Variants in PTPRZ1 observed in about 807,000 individuals in gnomAD.
PTPRZ1 encodes the protein protein tyrosine phosphatase receptor type Z1.
Under a neutral mutation model 214.1 loss-of-function variants are expected in PTPRZ1, and 82 were observed. The ratio of observed to expected loss-of-function variants is 0.38; its 90% CI spans 0.32 to 0.46. The LOEUF (loss-of-function observed/expected upper bound fraction) is 0.46. Ranked by LOEUF, PTPRZ1 falls within the 20% of genes least tolerant of loss-of-function variation. PTPRZ1 has a pLI of 1.00. For missense variants in PTPRZ1, 2,603 were observed against 2,748.7 expected (o/e 0.95, Z 1.19); for synonymous variants, 945 against 987.9 (o/e 0.96, Z 0.81).
chr7:121,922,833 C>G (rs1795640029), intron 1 of PTPRZ1, among the ~76,000 whole-genome samples: 1 of 152,202 alleles, frequency 6.6e-6, no homozygotes, highest in Admixed American at 6.5e-5. Flanking sequence ...TATTTCTTCA[C>G]AAGCACACAT....
At chr7:121,918,605 A>G (rs932391712) in intron 1 of PTPRZ1, among the ~76,000 whole-genome samples, 1 of 152,154 alleles carries the variant, frequency 6.6e-6, no homozygotes, top group Non-Finnish European at 1.5e-5. Context: ...ACATATTTAC[A>G]ATCTATCTTT....
At chr7:121,905,321 C>G (rs1050254134) in intron 1 of PTPRZ1, among the ~76,000 whole-genome samples, 14 of 152,022 alleles carry the variant, frequency 9.2e-5, no homozygotes. Context: ...AACTTTTACC[C>G]CAGCATCCCT....
rs181875053 is a variant in PTPRZ1, at chr7:121,993,304, C to T, written c.929-3078C>T. Among the ~76,000 whole-genome samples the T allele has an allele frequency of 1.4e-4, 22 of 151,856 alleles. No individual in the cohort carries two copies. In the East Asian group the frequency reaches 4.1e-3, roughly 28 times the overall value. On this transcript the variant is annotated intron_variant, in intron 8 of 29. Transcript: ENST00000393386. The stretch of plus-strand genomic sequence containing the variant: ...CGGTGACTCATGCCTGTAATCCCAG[C>T]ACTTGGGGAGGCTGAGGTGAGAGGA...
At chr7:121,914,682 A>T (rs1025181409) in intron 1 of PTPRZ1, among the ~76,000 whole-genome samples, 1 of 152,176 alleles carries the variant, frequency 6.6e-6, no homozygotes, top group Non-Finnish European at 1.5e-5. Flanking sequence ...TATTTTAAAG[A>T]CCAAAATTGT....
chr7:121,984,606 T>C (rs1367064662), intron 8 of PTPRZ1, among the ~76,000 whole-genome samples: 1 of 152,174 alleles, frequency 6.6e-6, no homozygotes, highest in Non-Finnish European at 1.5e-5. Context: ...CATCTTTGTG[T>C]TGGCAGCCCC....
chr7:122,046,863 G>A (rs536820614), intron 23 of PTPRZ1, among the ~76,000 whole-genome samples: 35 of 151,944 alleles, frequency 2.3e-4, no homozygotes, highest in Admixed American at 3.9e-4. Context: ...AGTGATCAGC[G>A]TAGAGATGGT....
chr7:121,892,122 T>A (rs921659641), intron 1 of PTPRZ1, among the ~76,000 whole-genome samples: 1 of 152,194 alleles, frequency 6.6e-6, no homozygotes, highest in African/African-American at 2.4e-5. Flanking sequence ...TATACCATAA[T>A]TTTAGCATTT....
intron 28 of PTPRZ1, 111 bp downstream of exon 28, chr7:122,059,053 C>A: frequency 9.2e-7 from 1 of 1,092,848 alleles, no homozygotes; most frequent in Non-Finnish European, 1.3e-6. Context: ...ATGATTCAGC[C>A]ATGGTGGATT....
rs573919280 is a variant in PTPRZ1 at position 122,038,268 on chromosome 7, C to G, written c.5368-487C>G. ...AAAACATCTTGTACAAAATGGGACA[C>G]AGTGACGAATTGCTAATAATGATTA... On this transcript the variant is annotated intron_variant, in intron 18 of 29. Coordinates refer to ENST00000393386, the MANE Select transcript of PTPRZ1 (RefSeq NM_002851.3). Among the ~76,000 whole-genome samples the G allele has an allele frequency of 2.0e-5, 3 of 152,222 alleles. No homozygotes were observed. The East Asian group carries it at 5.8e-4, about 30-fold the overall frequency.
At chr7:121,896,699 G>A (rs527393435) in intron 1 of PTPRZ1, among the ~76,000 whole-genome samples, 1 of 152,036 alleles carries the variant, frequency 6.6e-6, no homozygotes, top group Admixed American at 6.5e-5. Flanking sequence ...CGTGAACCCA[G>A]GAGGCGGAGC....
chr7:122,020,425 G>A (rs564980572), intron 13 of PTPRZ1, among the ~76,000 whole-genome samples: 1 of 152,256 alleles, frequency 6.6e-6, no homozygotes, highest in African/African-American at 2.4e-5. Context: ...GAATGCTCAG[G>A]GCAAGTGTAA....
At chr7:122,022,394 T>C (rs1799044166) in intron 13 of PTPRZ1, among the ~76,000 whole-genome samples, 1 of 152,182 alleles carries the variant, frequency 6.6e-6, no homozygotes, top group Admixed American at 6.5e-5. Flanking sequence ...TATTGAGTTG[T>C]GGTTTTGTTT....
At chr7:122,033,994 A>T in intron 15 of PTPRZ1, 101 bp from the exon 16 acceptor site, 1 of 1,022,298 alleles carries the variant, frequency 9.8e-7, no homozygotes. Flanking sequence ...GCATGATCAT[A>T]GTTTTCCATT....
At chr7:121,897,342 C>G (rs909946565) in intron 1 of PTPRZ1, among the ~76,000 whole-genome samples, 1 of 152,044 alleles carries the variant, frequency 6.6e-6, no homozygotes, top group East Asian at 1.9e-4. Context: ...ATAGATTTAG[C>G]GTACACATTC....
At chr7:121,972,472 T>G in intron 3 of PTPRZ1, 69 bp from the exon 4 acceptor site, 2 of 1,413,120 alleles carry the variant, frequency 1.4e-6, no homozygotes, top group Non-Finnish European at 1.9e-6. Flanking sequence ...CTTAAGTAGA[T>G]GGAAATTTAG....
chr7:122,025,469 A>G (rs1224999055), intron 13 of PTPRZ1, among the ~76,000 whole-genome samples: 1 of 151,636 alleles, frequency 6.6e-6, no homozygotes, highest in Admixed American at 6.6e-5. Flanking sequence ...AGCTTGGATT[A>G]CAGGCATGTG....
chr7:121,913,647 C>T (rs896565177), intron 1 of PTPRZ1, among the ~76,000 whole-genome samples: 5 of 151,960 alleles, frequency 3.3e-5, no homozygotes, highest in African/African-American at 7.3e-5. Context: ...GACACAGAGA[C>T]GGTCCACAAT....
chr7:121,958,554 T>G (rs772795006), intron 2 of PTPRZ1, among the ~76,000 whole-genome samples: 11 of 152,214 alleles, frequency 7.2e-5, no homozygotes, highest in Non-Finnish European at 1.2e-4. Context: ...ATGTATGCTA[T>G]CTGTACACTG....
chr7:121,934,047 T>A (rs979491835), intron 2 of PTPRZ1, among the ~76,000 whole-genome samples: 5 of 152,162 alleles, frequency 3.3e-5, no homozygotes, highest in Admixed American at 1.3e-4. Flanking sequence ...GCTGGAATGA[T>A]ATATACTCTA....
Sources: allele counts gnomAD v4.1 joint callset (sites outside exome capture counted in the v4.1 genomes callset), GRCh38; gene constraint gnomAD v4.1.1; transcripts MANE v1.5; gene names NCBI Gene and HGNC (gene_info 2026-07-23, HGNC 2026-07-21).